The following CHPF2 variants were observed in gnomAD, a reference collection of about 807,000 sequenced individuals.
CHPF2 encodes chondroitin polymerizing factor 2.
A neutral mutation model predicts 63.0 loss-of-function variants in CHPF2; 58 were observed. The observed-to-expected ratio is 0.92, with a 90% CI of 0.75 to 1.15. The LOEUF is 1.15. Ranked by LOEUF, CHPF2 falls within the 50% of genes most tolerant of loss-of-function variation. The probability of loss-of-function intolerance (pLI) is 0.00; values close to 1 mark genes in which losing one functional copy is unlikely to be tolerated. For missense variants in CHPF2, 1,045 were observed against 1,035.4 expected (o/e 1.01, Z -0.13); for synonymous variants, 442 against 438.0 (o/e 1.01, Z -0.11).
In CHPF2 at chr7:151,238,730, C is replaced by T; in HGVS notation, c.*49C>T. ...TTACCTTTCCTTTGTCTGCCTCAGC[C>T]CCAGGAAGGGCAAGGCAAGATGGTG... is the stretch of plus-strand genomic sequence containing the variant. On this transcript the variant is annotated 3_prime_UTR_variant, in exon 4 of 4. Coordinates refer to ENST00000035307, the MANE Select transcript of CHPF2 (RefSeq NM_019015.3). 6.2e-7 allele frequency: 1 copy of T among 1,602,394 alleles called. No homozygotes were observed. Among genetic ancestry groups the T allele is most frequent in the Non-Finnish European group, 8.5e-7 (1 of 1,175,724 alleles).
Position 151,232,776 on chromosome 7 carries a change from G to A in CHPF2, c.-1236G>A. ...CGCTCGCGGCCTCGATGCTGTCTCT[G>A]GCGCGGCCTCCGCTCCCGCCGACTG... On this transcript the variant is annotated 5_prime_UTR_variant, in exon 1 of 4. Coordinates refer to ENST00000035307, the MANE Select transcript of CHPF2 (RefSeq NM_019015.3). The A allele has an allele frequency of 6.6e-7, 1 of 1,505,228 alleles. No individual in the cohort carries two copies. The highest frequency in any genetic ancestry group is 8.8e-7 in the Non-Finnish European group (1 of 1,133,526). 93.2% of individuals were successfully genotyped at this position (1,505,228 alleles called of 1,614,324 possible).
In CHPF2 at chr7:151,233,896, C is replaced by T. The variant is rs1271951304; in HGVS notation, c.-116C>T. 2.9e-6 allele frequency: 4 copies of T among 1,360,530 alleles called. No homozygotes were observed. Among genetic ancestry groups the T allele is most frequent in the Non-Finnish European group, 2.8e-6 (3 of 1,058,994 alleles). The allele number at this position is 1,360,530 out of a possible 1,614,324, so 84.3% of individuals were successfully genotyped here. ...GCGGGCCTCGCTCTGTCTTTGGCCT[C>T]ATTGACCCCAGGTTCTCTGGTTAAA... On this transcript the variant is annotated 5_prime_UTR_variant, in exon 1 of 4. Coordinates refer to ENST00000035307, the MANE Select transcript of CHPF2 (RefSeq NM_019015.3).
intron 3 of CHPF2, chr7:151,237,138 C>T: frequency 1.6e-6 from 1 of 627,828 alleles, no homozygotes. Context: ...GCAAAAAGCA[C>T]ATTTTCCACC....
chr7:151,234,998 G>A, intron 1 of CHPF2, 50 bp from the exon 2 acceptor site: 1 of 1,430,752 alleles, frequency 7.0e-7, no homozygotes, highest in East Asian at 2.3e-5. Context: ...GAACAAGCTG[G>A]GTTCCTAAAG....
At chr7:151,236,383 T>C (rs376365757) in intron 2 of CHPF2, 25 bp from the exon 3 acceptor site, 31 of 1,541,182 alleles carry the variant, frequency 2.0e-5, no homozygotes, top group Non-Finnish European at 1.9e-5. Context: ...GTGTGTGTCA[T>C]TGATTGGTCT....
At position 151,232,858 on chromosome 7, in the gene CHPF2, G is replaced by A. The variant is rs1407435264; in HGVS notation, c.-1154G>A. ...CAGCCGCGACCTCCGACCCCGCCTC[G>A]CAGAACGACCCGAGCTGGTCTCCCG... On this transcript the variant is annotated 5_prime_UTR_variant, in exon 1 of 4. Transcript: ENST00000035307. The A allele has an allele frequency of 1.3e-5, 19 of 1,435,334 alleles. No individual in the cohort carries two copies. Among genetic ancestry groups the A allele is most frequent in the South Asian group, 9.8e-5 (7 of 71,544 alleles). The allele number at this position is 1,435,334 out of a possible 1,614,324, so 88.9% of individuals were successfully genotyped here.
chr7:151,238,389 A>G lies in CHPF2; in HGVS notation c.2027A>G (p.Asn676Ser). 1 of 1,606,458 alleles carries G rather than the reference A, an allele frequency of 6.2e-7. No individual in the cohort carries two copies. Among genetic ancestry groups the G allele is most frequent in the Non-Finnish European group, 8.5e-7 (1 of 1,176,002 alleles). The stretch of plus-strand genomic sequence containing the variant: ...GCTTCTGCGGAGGGCTGCTTCTACA[A>G]CGCTGACTACCTGGCGGCCCGAGCC... ...RQASAEGCFYNADYLAARARL... is the reference protein window; with the variant it reads ...RQASAEGCFYSADYLAARARL... Residue 676 changes from asparagine to serine, a missense_variant, in exon 4 of 4, where the codon AAC (asparagine) becomes AGC (serine). Asn to Ser is a conservative substitution (Grantham distance 46, BLOSUM62 1). Coordinates refer to ENST00000035307, the MANE Select transcript of CHPF2 (RefSeq NM_019015.3).
In CHPF2 at chr7:151,238,457, C is replaced by G. The variant is rs1257851000; in HGVS notation, c.2095C>G (p.Leu699Val). The G allele has an allele frequency of 5.7e-6, 9 of 1,578,792 alleles. No homozygotes were observed. Among genetic ancestry groups the G allele is most frequent in the Non-Finnish European group, 6.9e-6 (8 of 1,159,014 alleles). ...GGCAGGCCAGGAAGAGGAGGAAGCC[C>G]TGGAGGGGCTGGAGGTGATGGATGT... ...ELAGQEEEEA[L>V]EGLEVMDVFL... Residue 699 changes from leucine to valine, a missense_variant, in exon 4 of 4, where the codon CTG (leucine) becomes GTG (valine). Transcript: ENST00000035307.
chr7:151,237,947 T>C lies in CHPF2; in HGVS notation c.1585T>C (p.Tyr529His). ...TGCATTGCTCACCCTGTTGCTGGTCTACGGGCCACGAGAAGGTGGCCGTGG... is the reference window on the plus strand; with the variant it reads ...TGCATTGCTCACCCTGTTGCTGGTCCACGGGCCACGAGAAGGTGGCCGTGG... ...EHALLTLLLV[Y>H]GPREGGRGAP... The change falls in exon 4 of 4, where the codon TAC becomes CAC. Residue 529 changes from tyrosine (Y) to histidine (H), a missense_variant. Physicochemically the swap from Tyr to His is moderately conservative, Grantham distance 83. Transcript: ENST00000035307. The C allele has an allele frequency of 6.2e-7, 1 of 1,613,158 alleles. No individual in the cohort carries two copies. The highest frequency in any genetic ancestry group is 8.5e-7 in the Non-Finnish European group (1 of 1,180,046).
At chr7:151,234,295 T>C (rs746407929) in intron 1 of CHPF2, 21 bp downstream of exon 1, 24 of 1,518,090 alleles carry the variant, frequency 1.6e-5, no homozygotes, top group Non-Finnish European at 2.0e-5. Context: ...CATGTGTGCA[T>C]AGTCCCCAGA....
intron 3 of CHPF2, 139 bp downstream of exon 3, chr7:151,236,729 C>G: frequency 1.3e-6 from 1 of 784,624 alleles, no homozygotes; most frequent in Non-Finnish European, 2.0e-6. Flanking sequence ...CAGGAAGAGG[C>G]CGACCATACT....
rs567259830 is a variant in CHPF2 at position 151,238,096 on chromosome 7, C to T, written c.1734C>T (p.Asp578=). The change falls in exon 4 of 4, where the codon GAC becomes GAT. Residue 578 remains aspartate, a synonymous_variant. Transcript: ENST00000035307. ...CCCCTTCCCAGGTGCGACTCATGGA[C>T]GTGGTCTCGAAGAAGCACCCTGTGG... ...AEAPSQVRLM[D]VVSKKHPVDT... is the part of the protein sequence containing the mutation. The T allele has an allele frequency of 2.0e-5, 33 of 1,612,344 alleles. No homozygotes were observed. In the South Asian group the frequency reaches 2.9e-4, roughly 14 times the overall value.
Position 151,237,718 on chromosome 7 carries a change from T to G in CHPF2, c.1356T>G (p.Cys452Trp), listed in dbSNP as rs765025208. 6.2e-7 allele frequency: 1 copy of G among 1,612,908 alleles called. No individual in the cohort carries two copies. Among genetic ancestry groups the G allele is most frequent in the Non-Finnish European group, 8.5e-7 (1 of 1,179,888 alleles). Residue 452 changes from cysteine (C) to tryptophan (W), a missense_variant, in exon 4 of 4, where the codon TGT (cysteine) becomes TGG (tryptophan). Transcript: ENST00000035307. ...ACACCCTGGACCTGCTGTTGGAATG[T>G]GTGACACAGCGTGGGCACCGGCGGG... ...MEYTLDLLLE[C>W]VTQRGHRRAL...
In CHPF2 at chr7:151,235,458, G is replaced by A. The variant is rs1250425822; in HGVS notation, c.674G>A (p.Gly225Glu). 1.2e-6 allele frequency: 2 copies of A among 1,611,948 alleles called. No homozygotes were observed. The highest frequency in any genetic ancestry group is 1.3e-5 in the African/African-American group (1 of 75,042). ...GGCGAGCAGGCCCGGTACTGTCATG[G>A]GGGCTTTGGCTACCTGTTGTCACGG... ...GAGEQARYCHGGFGYLLSRSL... is the reference protein window; with the variant it reads ...GAGEQARYCHEGFGYLLSRSL... Residue 225 changes from glycine to glutamate, a missense_variant, in exon 2 of 4, where the codon GGG becomes GAG. Transcript: ENST00000035307.
chr7:151,235,228 G>A lies in CHPF2; in HGVS notation c.444G>A (p.Val148=). The A allele has an allele frequency of 6.2e-7, 1 of 1,613,106 alleles. No homozygotes were observed. The highest frequency in any genetic ancestry group is 8.5e-7 in the Non-Finnish European group (1 of 1,179,446). The part of the protein sequence containing the change: ...RGARAPAGMQ[V]VSHGDERPAW... ...CCCGGGCTCCAGCAGGGATGCAGGT[G>A]GTGTCTCATGGGGATGAGCGGCCCG... Residue 148 remains valine, a synonymous_variant, in exon 2 of 4, where the codon GTG becomes GTA. Coordinates refer to ENST00000035307, the MANE Select transcript of CHPF2 (RefSeq NM_019015.3).
In CHPF2 at chr7:151,238,232, C is replaced by T. The variant is rs763652683; in HGVS notation, c.1870C>T (p.Gln624Ter). The stretch of plus-strand genomic sequence containing the variant: ...GCAGGCCTTCTTTCCAGTCCATTTC[C>T]AGGAGTTCAATCCTGCCCTGTCACC... ...GWQAFFPVHF[Q>*]EFNPALSPQR... The change falls in exon 4 of 4, where the codon CAG becomes TAG. Residue 624 changes from glutamine (Q) to a stop codon, truncating the protein, a stop_gained. Transcript: ENST00000035307. LOFTEE classifies it high-confidence loss of function. The T allele has an allele frequency of 6.2e-7, 1 of 1,612,938 alleles. No homozygotes were observed. Among genetic ancestry groups the T allele is most frequent in the African/African-American group, 1.3e-5 (1 of 75,048 alleles).
At position 151,234,015 on chromosome 7, in the gene CHPF2, C is replaced by T. The variant is rs748670587; in HGVS notation, c.4C>T (p.Arg2Ter). Residue 2 changes from arginine (R) to a stop codon, truncating the protein, a stop_gained, in exon 1 of 4, where the codon CGA (arginine) becomes TGA (stop). Transcript: ENST00000035307. LOFTEE classifies it high-confidence loss of function. M[R>*]LSSLLALLRP... Reference sequence around the variant, plus strand: ...CCACCTGGCAGGGCCTACCACCATGCGACTGAGCTCCCTGTTGGCTCTGCT... The same window carrying T: ...CCACCTGGCAGGGCCTACCACCATGTGACTGAGCTCCCTGTTGGCTCTGCT... 1.3e-5 allele frequency: 20 copies of T among 1,519,056 alleles called. No individual in the cohort carries two copies. The highest frequency in any genetic ancestry group is 1.9e-4 in the Middle Eastern group (1 of 5,392). 94.1% of individuals were successfully genotyped at this position (1,519,056 alleles called of 1,614,324 possible). A position where few individuals can be genotyped will look rare whatever the true frequency, so the allele number is the denominator to read the frequency against.
chr7:151,238,191 A>G lies in CHPF2; in HGVS notation c.1829A>G (p.Asn610Ser), dbSNP rs773738779. ...GPEVLNRCRM[N>S]AISGWQAFFP... Reference sequence around the variant, plus strand: ...GAAGTCCTCAACCGCTGTCGCATGAATGCCATCTCTGGCTGGCAGGCCTTC... The same window carrying G: ...GAAGTCCTCAACCGCTGTCGCATGAGTGCCATCTCTGGCTGGCAGGCCTTC... The change falls in exon 4 of 4, where the codon AAT (asparagine) becomes AGT (serine). Residue 610 changes from asparagine to serine, a missense_variant. By Grantham distance (46) the Asn-to-Ser change is conservative. Transcript: ENST00000035307. 8.7e-6 allele frequency: 14 copies of G among 1,613,070 alleles called. No homozygotes were observed. The East Asian group carries it at 2.9e-4, about 33-fold the overall frequency.
In CHPF2 at chr7:151,232,718, C is replaced by G; in HGVS notation, c.-1294C>G. ...CCCGGCCCTGAAACCCGGGCCTCCT[C>G]CCCGAGGGCCTTGGGCGTCCCTCCT... is the stretch of plus-strand genomic sequence containing the variant. On this transcript the variant is annotated 5_prime_UTR_variant, in exon 1 of 4. Coordinates refer to ENST00000035307, the MANE Select transcript of CHPF2 (RefSeq NM_019015.3). The G allele has an allele frequency of 1.3e-6, 2 of 1,498,978 alleles. No individual in the cohort carries two copies. The highest frequency in any genetic ancestry group is 1.8e-6 in the Non-Finnish European group (2 of 1,129,320). The allele number at this position is 1,498,978 out of a possible 1,614,324, so 92.9% of individuals were successfully genotyped here.
Sources: allele counts gnomAD v4.1 joint callset, GRCh38; gene constraint gnomAD v4.1.1; transcripts MANE v1.5; gene names NCBI Gene and HGNC (gene_info 2026-07-23, HGNC 2026-07-21).